The following ZDHHC21 variants were observed in gnomAD, a reference collection of about 807,000 sequenced individuals.
The protein encoded by ZDHHC21 is zDHHC palmitoyltransferase 21, also known as palmitoyltransferase ZDHHC21.
In ZDHHC21, 15 loss-of-function variants were observed where a neutral mutation model predicts 34.6. The observed-to-expected ratio is 0.43, with a 90% CI of 0.29 to 0.67. The LOEUF (loss-of-function observed/expected upper bound fraction) is 0.67. ZDHHC21 is among the 30% of genes least tolerant of loss of function. ZDHHC21 has a pLI of 0.14. For missense variants in ZDHHC21, 344 were observed against 327.7 expected (o/e 1.05, Z -0.38); for synonymous variants, 142 against 101.8 (o/e 1.40, Z -2.38).
intron 7 of ZDHHC21, among the ~76,000 whole-genome samples, chr9:14,642,106 A>C (rs934594761): frequency 1.3e-5 from 2 of 152,226 alleles, no homozygotes; most frequent in Non-Finnish European, 2.9e-5. Context: ...TAAAAGATCT[A>C]CTTATAATAT....
At position 14,672,873 on chromosome 9, in the gene ZDHHC21, A is replaced by C. The variant is rs779177294; in HGVS notation, c.210T>G (p.Thr70=). 4 of 1,609,134 alleles carry C rather than the reference A, an allele frequency of 2.5e-6. No homozygotes were observed. In the East Asian group the frequency reaches 8.9e-5, roughly 36 times the overall value. The part of the protein sequence containing the change: ...CLVALVRASI[T]DPGRLPENPK... ...GGTTCTCAGGGAGTCTTCCTGGATC[A>C]GTTATGGAGGCCCTCACTAAGGCAA... The change falls in exon 5 of 10, where the codon ACT becomes ACG. Residue 70 remains threonine, a synonymous_variant. Transcript: ENST00000380916.
At chr9:14,630,813 G>C (rs879480795) in intron 8 of ZDHHC21, among the ~76,000 whole-genome samples, 3 of 152,178 alleles carry the variant, frequency 2.0e-5, no homozygotes, top group Non-Finnish European at 4.4e-5. Context: ...GTAATATTAC[G>C]AAAGGAACTT....
intron 2 of ZDHHC21, 116 bp downstream of exon 2, chr9:14,690,221 G>A: frequency 2.6e-6 from 1 of 385,906 alleles, no homozygotes; most frequent in South Asian, 2.0e-5. Context: ...ACCACACCAA[G>A]AGAGATTGGT....
chr9:14,676,103 T>C (rs924127470), intron 3 of ZDHHC21, among the ~76,000 whole-genome samples: 5 of 152,032 alleles, frequency 3.3e-5, no homozygotes, highest in African/African-American at 1.2e-4. Context: ...ACGAAATGTG[T>C]ACCGTGAATA....
chr9:14,667,519 A>G (rs1834680607), intron 5 of ZDHHC21, among the ~76,000 whole-genome samples: 1 of 141,932 alleles, frequency 7.0e-6, no homozygotes, highest in Non-Finnish European at 1.5e-5. Flanking sequence ...CATCATTCTG[A>G]TACCAAAGCC....
chr9:14,691,687 C>G (rs1293704416), intron 1 of ZDHHC21, among the ~76,000 whole-genome samples: 1 of 152,172 alleles, frequency 6.6e-6, no homozygotes, highest in Non-Finnish European at 1.5e-5. Flanking sequence ...TACAGCTTCT[C>G]AAGTATGTTA....
chr9:14,637,273 T>C lies in ZDHHC21; in HGVS notation c.621+2623A>G, dbSNP rs142002994. 4.0e-3 allele frequency among the ~76,000 whole-genome samples: 615 copies of C among 152,084 alleles called. 3 individuals are homozygous for C. The highest frequency in any genetic ancestry group is 5.5e-3 in the Non-Finnish European group (370 of 67,882). Reference sequence around the variant, plus strand: ...TATCAAAGATTATTATGAACAACTATATACCAACAAACCAAAAAACCTAGA... The same window carrying C: ...TATCAAAGATTATTATGAACAACTACATACCAACAAACCAAAAAACCTAGA... On this transcript the variant is annotated intron_variant, in intron 8 of 9. Transcript: ENST00000380916.
At chr9:14,675,113 A>C (rs1017465228) in intron 3 of ZDHHC21, among the ~76,000 whole-genome samples, 4 of 152,008 alleles carry the variant, frequency 2.6e-5, no homozygotes, top group Non-Finnish European at 5.9e-5. Context: ...GATCAACTGA[A>C]GAAGACTCCT....
chr9:14,645,419 C>A (rs1830118093), intron 7 of ZDHHC21, among the ~76,000 whole-genome samples: 1 of 151,944 alleles, frequency 6.6e-6, no homozygotes, highest in African/African-American at 2.4e-5. Context: ...AAAACTGAAA[C>A]CCTGACTTCT....
chr9:14,624,887 T>C (rs1006977864), intron 8 of ZDHHC21, among the ~76,000 whole-genome samples: 20 of 152,226 alleles, frequency 1.3e-4, no homozygotes, highest in Middle Eastern at 3.4e-3. Flanking sequence ...TATACAAATA[T>C]TGAAGCATCA....
chr9:14,689,180 T>C (rs1249446367), intron 2 of ZDHHC21, among the ~76,000 whole-genome samples: 1 of 152,206 alleles, frequency 6.6e-6, no homozygotes, highest in African/African-American at 2.4e-5. Flanking sequence ...GAAGTTGTAT[T>C]TCTACACGTT....
Position 14,619,040 on chromosome 9 carries a change from T to C in ZDHHC21, c.724A>G (p.Lys242Glu), listed in dbSNP as rs1453326268. 6.2e-7 allele frequency: 1 copy of C among 1,612,286 alleles called. No individual in the cohort carries two copies. The change falls in exon 10 of 10, where the codon AAG becomes GAG. Residue 242 changes from lysine to glutamate, a missense_variant. Lys to Glu is a moderately conservative substitution (Grantham distance 56). Transcript: ENST00000380916. Reference sequence around the variant, plus strand: ...CTGAAAGGAATGAACCACAGGATCTTCCAACGAGTGCCAAAAACTTCTGAG... The same window carrying C: ...CTGAAAGGAATGAACCACAGGATCTCCCAACGAGTGCCAAAAACTTCTGAG... The part of the protein sequence containing the change: ...TFSEVFGTRW[K>E]ILWFIPFRQR...
chr9:14,664,693 G>A (rs1358852816), intron 5 of ZDHHC21, among the ~76,000 whole-genome samples: 66 of 151,986 alleles, frequency 4.3e-4, no homozygotes, highest in Non-Finnish European at 2.4e-4. Flanking sequence ...GTGGGTCCCT[G>A]ACCCCCAAGC....
At position 14,642,884 on chromosome 9, in the gene ZDHHC21, T is replaced by G. The variant is rs542853433; in HGVS notation, c.505-2872A>C. Among the ~76,000 whole-genome samples, 7 of 152,352 alleles carry G rather than the reference T, an allele frequency of 4.6e-5. No homozygotes were observed. In the East Asian group the frequency reaches 1.3e-3, roughly 29 times the overall value. On this transcript the variant is annotated intron_variant, in intron 7 of 9. Transcript: ENST00000380916. ...TTTATTGTTTACATTTCTTCCATTT[T>G]TGTTAAAAAATGTGCTCATATACAG...
At chr9:14,603,372 A>G in the ZDHHC21 span, among the ~76,000 whole-genome samples, 1 of 152,208 alleles carries the variant, frequency 6.6e-6, no homozygotes, top group African/African-American at 2.4e-5. Flanking sequence ...AGAAATATAT[A>G]GGTAAATCCT....
At chr9:14,629,264 G>A (rs892663106) in intron 8 of ZDHHC21, among the ~76,000 whole-genome samples, 12 of 152,044 alleles carry the variant, frequency 7.9e-5, no homozygotes, top group African/African-American at 2.9e-4. Flanking sequence ...CAACAAATGT[G>A]GTTTCCACTC....
At chr9:14,608,261 T>G (rs990829090), downstream of ZDHHC21, among the ~76,000 whole-genome samples, 3 of 152,094 alleles carry the variant, frequency 2.0e-5, no homozygotes, top group Admixed American at 2.0e-4. Context: ...AATCTCCATC[T>G]CGTACTAGGT....
chr9:14,659,496 T>C (rs1832961837), intron 6 of ZDHHC21, among the ~76,000 whole-genome samples: 1 of 152,214 alleles, frequency 6.6e-6, no homozygotes, highest in Non-Finnish European at 1.5e-5. Context: ...AGGATTAATG[T>C]TACAATAAAA....
At chr9:14,691,158 G>A (rs745636444) in intron 1 of ZDHHC21, among the ~76,000 whole-genome samples, 27 of 152,154 alleles carry the variant, frequency 1.8e-4, no homozygotes, top group Non-Finnish European at 3.4e-4. Context: ...ACAGCTCCAT[G>A]TTGAGACATT....
Sources: allele counts gnomAD v4.1 joint callset (sites outside exome capture counted in the v4.1 genomes callset), GRCh38; gene constraint gnomAD v4.1.1; transcripts MANE v1.5; gene names NCBI Gene and HGNC (gene_info 2026-07-23, HGNC 2026-07-21).